Variants in SYT9 observed in about 807,000 individuals in gnomAD.
The protein encoded by SYT9 is synaptotagmin 9, also known as synaptotagmin-9.
Under a neutral mutation model 48.4 loss-of-function variants are expected in SYT9, and 22 were observed. The observed-to-expected ratio is 0.45, with a 90% CI of 0.32 to 0.65. The LOEUF (loss-of-function observed/expected upper bound fraction) is 0.65, where lower values mean the gene tolerates loss of function less well. Ranked by LOEUF, SYT9 falls within the 30% of genes least tolerant of loss-of-function variation. The pLI, the probability that SYT9 is intolerant of heterozygous loss-of-function variation, is 0.03. For synonymous variants in SYT9, 265 were observed against 245.0 expected, an observed-to-expected ratio of 1.08 and a Z score of -0.76; for missense variants, 577 against 622.0, an observed-to-expected ratio of 0.93 and a Z score of 0.77.
At chr11:7,402,587 G>T (rs1846915635) in intron 3 of SYT9, among the ~76,000 whole-genome samples, 1 of 152,022 alleles carries the variant, frequency 6.6e-6, no homozygotes, top group South Asian at 2.1e-4. Flanking sequence ...TGAAATGTCT[G>T]TTTCCTCCAT....
chr11:7,404,400 T>A (rs1417997502), intron 3 of SYT9, among the ~76,000 whole-genome samples: 3 of 152,298 alleles, frequency 2.0e-5, no homozygotes, highest in South Asian at 4.1e-4. Flanking sequence ...TCGCTGCCTT[T>A]TTTGGATTAA....
At chr11:7,273,449 A>T (rs1053378345) in intron 1 of SYT9, among the ~76,000 whole-genome samples, 2 of 152,178 alleles carry the variant, frequency 1.3e-5, no homozygotes, top group African/African-American at 4.8e-5. Context: ...CCAAGAGAGC[A>T]AAGTTTAAGA....
intron 3 of SYT9, among the ~76,000 whole-genome samples, chr11:7,315,665 A>G (rs1849230315): frequency 6.6e-6 from 1 of 152,220 alleles, no homozygotes; most frequent in South Asian, 2.1e-4. Flanking sequence ...GCTGATACAA[A>G]TCTGGATAAG....
chr11:7,291,237 A>G (rs909721830), intron 1 of SYT9, among the ~76,000 whole-genome samples: 2 of 152,180 alleles, frequency 1.3e-5, no homozygotes, highest in Non-Finnish European at 2.9e-5. Flanking sequence ...AGCTGGGAAG[A>G]GAGTGGAGGA....
intron 3 of SYT9, among the ~76,000 whole-genome samples, chr11:7,344,535 C>T (rs1419366880): frequency 6.6e-6 from 1 of 152,050 alleles, no homozygotes; most frequent in Non-Finnish European, 1.5e-5. Context: ...CATTTTAGCT[C>T]TTGCATTTAT....
rs147064021 is a variant in SYT9 at position 7,334,433 on chromosome 11, G to C, written c.1044+20492G>C. Among the ~76,000 whole-genome samples the C allele has an allele frequency of 3.9e-3, 593 of 152,230 alleles. 3 individuals are homozygous for C. The highest frequency in any genetic ancestry group is 0.013 in the African/African-American group (542 of 41,516). The stretch of plus-strand genomic sequence containing the variant: ...TGGTTAATAGACATGGAGAAAAGTA[G>C]CAGATTCCAGAAATTATTTAAGCAG... On this transcript the variant is annotated intron_variant, in intron 3 of 6. Transcript: ENST00000318881.
intron 3 of SYT9, among the ~76,000 whole-genome samples, chr11:7,384,674 A>G (rs1408910223): frequency 6.6e-6 from 1 of 152,194 alleles, no homozygotes; most frequent in Non-Finnish European, 1.5e-5. Flanking sequence ...CTATCCTGTA[A>G]TAGTGCTACT....
intron 6 of SYT9, chr11:7,441,410 A>G (rs1445198262): frequency 2.6e-5 from 4 of 152,146 alleles, no homozygotes; most frequent in Non-Finnish European, 5.9e-5. Flanking sequence ...TTGCTTTGCT[A>G]CAAGTATTAG....
chr11:7,392,120 A>G (rs1846633549), intron 3 of SYT9, among the ~76,000 whole-genome samples: 1 of 152,054 alleles, frequency 6.6e-6, no homozygotes, highest in African/African-American at 2.4e-5. Context: ...ATTTGGTTCT[A>G]CTTGTCAATT....
At chr11:7,351,671 T>C (rs1777562833) in intron 3 of SYT9, among the ~76,000 whole-genome samples, 1 of 152,176 alleles carries the variant, frequency 6.6e-6, no homozygotes, top group African/African-American at 2.4e-5. Flanking sequence ...AAACTTGAGA[T>C]GAGACTAAGC....
intron 3 of SYT9, among the ~76,000 whole-genome samples, chr11:7,367,781 A>G (rs374602981): frequency 1.3e-5 from 1 of 78,994 alleles, no homozygotes. Context: ...CTGCATTTGG[A>G]TTTAGGCTTA....
intron 3 of SYT9, among the ~76,000 whole-genome samples, chr11:7,392,325 G>T (rs11041347): frequency 0.31 from 46,510 of 151,934 alleles, 8,595 homozygotes; most frequent in Non-Finnish European, 0.42. Context: ...TCTGCATATG[G>T]TTGTCAAGTT....
At chr11:7,260,536 A>C (rs1362785432) in intron 1 of SYT9, among the ~76,000 whole-genome samples, 1 of 152,218 alleles carries the variant, frequency 6.6e-6, no homozygotes, top group Non-Finnish European at 1.5e-5. Context: ...ACTGAGGACT[A>C]ACTGGAGCAC....
rs141968353 is a variant in SYT9, at chr11:7,436,302, A to C, written c.1467+15667A>C. On this transcript the variant is annotated intron_variant, in intron 6 of 6. Transcript: ENST00000318881. ...CAGGCAGTAAAGAAACTGAAGAAAG[A>C]GCAGGTTAGGAAAAGGGAGAGAAGT... Among the ~76,000 whole-genome samples, 47 of 152,324 alleles carry C rather than the reference A, an allele frequency of 3.1e-4. No individual in the cohort carries two copies. The East Asian group carries it at 7.3e-3, about 24-fold the overall frequency.
Position 7,252,192 on chromosome 11 carries a change from C to A in SYT9, c.6C>A (p.Pro2=). 6.9e-7 allele frequency: 1 copy of A among 1,454,956 alleles called. No individual in the cohort carries two copies. The allele number at this position is 1,454,956 out of a possible 1,614,324, so 90.1% of individuals were successfully genotyped here. A position where few individuals can be genotyped will look rare whatever the true frequency, so the allele number is the denominator to read the frequency against. Residue 2 remains proline (P), a synonymous_variant, in exon 1 of 7, where the codon CCC becomes CCA. Coordinates refer to ENST00000318881, the MANE Select transcript of SYT9 (RefSeq NM_175733.4). The surrounding 1 kb of genome is among the most constrained non-coding windows in gnomAD (Gnocchi z 6.3). Reference sequence around the variant, plus strand: ...TCCGAGGATGCGGGGGGGCGATGCCCGGGGCCAGGGACGCGCTCTGTCACC... The same window carrying A: ...TCCGAGGATGCGGGGGGGCGATGCCAGGGGCCAGGGACGCGCTCTGTCACC... The part of the protein sequence containing the change: M[P]GARDALCHQA...
At chr11:7,287,780 T>G (rs1279718780) in intron 1 of SYT9, among the ~76,000 whole-genome samples, 1 of 152,218 alleles carries the variant, frequency 6.6e-6, no homozygotes, top group Non-Finnish European at 1.5e-5. Context: ...TTTTCTTTCT[T>G]ATTTTGGGAC....
intron 1 of SYT9, among the ~76,000 whole-genome samples, chr11:7,254,515 G>A (rs1358443039): frequency 6.6e-6 from 1 of 152,058 alleles, no homozygotes; most frequent in Non-Finnish European, 1.5e-5. Flanking sequence ...CTTTAATCTC[G>A]GAACCCTAAA....
chr11:7,348,750 G>A (rs1400237335), intron 3 of SYT9, among the ~76,000 whole-genome samples: 3 of 128,790 alleles, frequency 2.3e-5, no homozygotes, highest in South Asian at 5.1e-4. Context: ...TGGATTTTAG[G>A]AATTGAGCTG....
intron 6 of SYT9, among the ~76,000 whole-genome samples, chr11:7,452,770 A>G (rs988773315): frequency 6.6e-6 from 1 of 152,036 alleles, no homozygotes; most frequent in African/African-American, 2.4e-5. Context: ...GCTTCTAGGA[A>G]CAGAAAACCT....
Sources: allele counts gnomAD v4.1 joint callset (sites outside exome capture counted in the v4.1 genomes callset), GRCh38; gene constraint gnomAD v4.1.1; non-coding constraint Gnocchi (gnomAD v3.1); transcripts MANE v1.5; gene names NCBI Gene and HGNC (gene_info 2026-07-23, HGNC 2026-07-21).